The following IL10RA variants were observed in gnomAD, a reference collection of about 807,000 sequenced individuals.
The protein encoded by IL10RA is interleukin-10 receptor subunit alpha.
IL10RA carries 18 observed loss-of-function variants against 29.6 expected under a neutral mutation model. The ratio of observed to expected loss-of-function variants is 0.61; its 90% CI spans 0.42 to 0.90. The LOEUF (loss-of-function observed/expected upper bound fraction) is 0.90, where lower values mean the gene tolerates loss of function less well. Among genes scored for constraint, IL10RA ranks in the 40% least tolerant of loss-of-function variants. The pLI, the probability that IL10RA is intolerant of heterozygous loss-of-function variation, is 0.00. For synonymous variants in IL10RA, 292 were observed against 294.1 expected, an observed-to-expected ratio of 0.99 and a Z score of 0.07; for missense variants, 634 against 716.6, an observed-to-expected ratio of 0.88 and a Z score of 1.32.
rs754528614 is a variant in IL10RA at position 117,989,108 on chromosome 11, A to G, written c.189-334A>G. On this transcript the variant is annotated intron_variant, in intron 2 of 6. Transcript: ENST00000227752. This position sits in a 1 kb window ranked among gnomAD's most constrained non-coding sequence, Gnocchi z 4.5. ...GGAAAAGGAGAAGCATCCACAGTAC[A>G]GCCAGACAACAGGGGAACACTAATG... 6.6e-6 allele frequency among the ~76,000 whole-genome samples: 1 copy of G among 152,238 alleles called. No individual in the cohort carries two copies. Among genetic ancestry groups the G allele is most frequent in the Non-Finnish European group, 1.5e-5 (1 of 68,032 alleles).
intron 3 of IL10RA, 68 bp from the exon 4 acceptor site, chr11:117,993,173 C>T (rs4252307): frequency 8.4e-6 from 12 of 1,426,790 alleles, no homozygotes; most frequent in East Asian, 6.8e-5. Flanking sequence ...AAAGTCTCGG[C>T]GGGGACACCC....
Position 117,998,949 on chromosome 11 carries a change from G to C in IL10RA, c.1045G>C (p.Gly349Arg), listed in dbSNP as rs1259250889. The change falls in exon 7 of 7, where the codon GGA becomes CGA. Residue 349 changes from glycine (G) to arginine (R), a missense_variant. Gly to Arg is a moderately radical substitution (Grantham distance 125). Coordinates refer to ENST00000227752, the MANE Select transcript of IL10RA (RefSeq NM_001558.4). ...DPHPQADRTL[G>R]NREPPVLGDS... ...TCACCCCCAGGCTGACAGAACGCTGGGAAACAGGGAGCCCCCTGTGCTGGG... is the reference window on the plus strand; with the variant it reads ...TCACCCCCAGGCTGACAGAACGCTGCGAAACAGGGAGCCCCCTGTGCTGGG... 16 of 1,613,476 alleles carry C rather than the reference G, an allele frequency of 9.9e-6. No individual in the cohort carries two copies. Among genetic ancestry groups the C allele is most frequent in the African/African-American group, 1.3e-5 (1 of 75,058 alleles).
In IL10RA at chr11:118,000,781, T is replaced by C; in HGVS notation, c.*1140T>C. The C allele has an allele frequency of 4.4e-6, 2 of 454,278 alleles. No homozygotes were observed. The highest frequency in any genetic ancestry group is 8.8e-6 in the Non-Finnish European group (2 of 226,776). 28.1% of individuals were successfully genotyped at this position (454,278 alleles called of 1,614,324 possible). A position where few individuals can be genotyped will look rare whatever the true frequency, so the allele number is the denominator to read the frequency against. ...CAAGCTGGTCCTGGGAGAATGCAGA[T>C]ACTGTCCGTGGACTACCAAGCTGGC... On this transcript the variant is annotated 3_prime_UTR_variant, in exon 7 of 7. Transcript: ENST00000227752.
chr11:117,998,671 G>A (rs2058071306), intron 6 of IL10RA, 44 bp from the exon 7 acceptor site: 3 of 1,580,476 alleles, frequency 1.9e-6, no homozygotes, highest in Non-Finnish European at 2.6e-6. Flanking sequence ...GATGGGTGCT[G>A]GAAGGTGACT....
Position 118,000,312 on chromosome 11 carries a change from C to T in IL10RA, c.*671C>T, listed in dbSNP as rs1377600335. The T allele has an allele frequency of 2.2e-6, 1 of 454,082 alleles. No homozygotes were observed. The highest frequency in any genetic ancestry group is 4.4e-6 in the Non-Finnish European group (1 of 226,790). 28.1% of individuals were successfully genotyped at this position (454,082 alleles called of 1,614,324 possible). A position where few individuals can be genotyped will look rare whatever the true frequency, so the allele number is the denominator to read the frequency against. On this transcript the variant is annotated 3_prime_UTR_variant, in exon 7 of 7. Coordinates refer to ENST00000227752, the MANE Select transcript of IL10RA (RefSeq NM_001558.4). ...CTGGATGGGGCTTCCAGCTCAGAAC[C>T]CATCCCTCTGGTGGGTACCTCTGGC... is the stretch of plus-strand genomic sequence containing the variant.
At chr11:117,996,872 C>T (rs553947422) in intron 6 of IL10RA, among the ~76,000 whole-genome samples, 94 of 152,316 alleles carry the variant, frequency 6.2e-4, no homozygotes, top group African/African-American at 2.1e-3. Context: ...CATGAGCCAC[C>T]GCACCCTGCC....
At chr11:117,987,515 G>C (rs555224580) in intron 1 of IL10RA, 6 of 154,136 alleles carry the variant, frequency 3.9e-5, no homozygotes, top group African/African-American at 1.4e-4. Flanking sequence ...AGAGAACTTA[G>C]AGGATCAAGG....
At chr11:118,001,751 A>ATTTTTT (rs2058097105), downstream of IL10RA, 4 of 237,826 alleles carry the variant, frequency 1.7e-5, no homozygotes, top group African/African-American at 9.0e-5. Flanking sequence ...TGAGGTGTAA[A>ATTTTTT]TGAAATTGCA....
At chr11:117,996,159 C>T (rs146420093) in intron 6 of IL10RA, among the ~76,000 whole-genome samples, 13 of 152,272 alleles carry the variant, frequency 8.5e-5, no homozygotes, top group African/African-American at 3.1e-4. Context: ...TGCTATTAGC[C>T]ATGGGTGTTC....
chr11:117,988,604 G>A (rs937410891), intron 2 of IL10RA, 102 bp downstream of exon 2: 3 of 1,365,626 alleles, frequency 2.2e-6, no homozygotes, highest in Admixed American at 3.6e-5. Flanking sequence ...TGAAGTGAGT[G>A]CCTGAGGGCC....
At chr11:117,986,765 CA>C in intron 1 of IL10RA, 1 of 1,530,752 alleles carries the variant, frequency 6.5e-7, no homozygotes, top group South Asian at 1.2e-5. Flanking sequence ...TGCGCAAGGC[CA>C]AACCCCCAAC....
chr11:117,995,682 G>A lies in IL10RA; in HGVS notation c.782G>A (p.Arg261Gln), dbSNP rs553864757. The change falls in exon 6 of 7, where the codon CGG becomes CAG. Residue 261 changes from arginine to glutamine, a missense_variant. Arg to Gln is a conservative substitution (Grantham distance 43). Coordinates refer to ENST00000227752, the MANE Select transcript of IL10RA (RefSeq NM_001558.4). ...TGCCTGGCCCTCCAGCTGTATGTGC[G>A]GCGCCGAAAGAAGCTACCCAGTGTC... ...AYCLALQLYV[R>Q]RRKKLPSVLL... The A allele has an allele frequency of 1.4e-5, 23 of 1,613,908 alleles. No individual in the cohort carries two copies. The highest frequency in any genetic ancestry group is 1.6e-4 in the Middle Eastern group (1 of 6,062).
Position 118,000,552 on chromosome 11 carries a change from G to A in IL10RA, c.*911G>A. On this transcript the variant is annotated 3_prime_UTR_variant, in exon 7 of 7. Coordinates refer to ENST00000227752, the MANE Select transcript of IL10RA (RefSeq NM_001558.4). Reference sequence around the variant, plus strand: ...CTCATGCCAGCCCCAGAGGGTCAGGGTTGGAGGCCTGTGCTTGTGTTTGCT... The same window carrying A: ...CTCATGCCAGCCCCAGAGGGTCAGGATTGGAGGCCTGTGCTTGTGTTTGCT... 1 of 454,314 alleles carries A rather than the reference G, an allele frequency of 2.2e-6. No individual in the cohort carries two copies. Among genetic ancestry groups the A allele is most frequent in the East Asian group, 6.9e-5 (1 of 14,534 alleles). The allele number at this position is 454,314 out of a possible 1,614,324, so 28.1% of individuals were successfully genotyped here.
At chr11:118,002,541 G>A (rs945269538), downstream of IL10RA, 2 of 152,210 alleles carry the variant, frequency 1.3e-5, no homozygotes, top group Admixed American at 6.5e-5. Context: ...AGGCCCCTAA[G>A]GTCTAAATAT....
chr11:117,986,564 C>A (rs753700151), intron 1 of IL10RA, 30 bp downstream of exon 1: 3 of 1,550,132 alleles, frequency 1.9e-6, no homozygotes, highest in South Asian at 2.4e-5. Context: ...CCCTTCCCTG[C>A]CCTGCCCTCT....
intron 3 of IL10RA, among the ~76,000 whole-genome samples, chr11:117,992,553 G>A (rs2058030282): frequency 6.6e-6 from 1 of 152,106 alleles, no homozygotes; most frequent in Admixed American, 6.5e-5. Context: ...TTGTTTTCTT[G>A]TTATTAAGTA....
At chr11:118,001,547 TGAG>T, downstream of IL10RA, 1 of 372,604 alleles carries the variant, frequency 2.7e-6, no homozygotes, top group Non-Finnish European at 5.2e-6. Context: ...TTGTTGATAA[TGAG>T]GAGGGTAATA....
At position 117,989,839 on chromosome 11, in the gene IL10RA, C is replaced by T. The variant is rs944109084; in HGVS notation, c.367+219C>T. The T allele has an allele frequency of 1.3e-5, 8 of 614,064 alleles. No homozygotes were observed. The highest frequency in any genetic ancestry group is 2.3e-5 in the Non-Finnish European group (8 of 344,216). 38.0% of individuals were successfully genotyped at this position (614,064 alleles called of 1,614,324 possible). On this transcript the variant is annotated intron_variant, in intron 3 of 6. Coordinates refer to ENST00000227752, the MANE Select transcript of IL10RA (RefSeq NM_001558.4). This position sits in a 1 kb window ranked among gnomAD's most constrained non-coding sequence, Gnocchi z 4.5. Reference sequence around the variant, plus strand: ...AAGGGAACTGGAGTTGTTTATCCTACAGAAGAGAGGTCTTGGGGTGGGTTG... The same window carrying T: ...AAGGGAACTGGAGTTGTTTATCCTATAGAAGAGAGGTCTTGGGGTGGGTTG...
rs1205617954 is a variant in IL10RA, at chr11:118,001,404, A to G, written c.*1763A>G. The stretch of plus-strand genomic sequence containing the variant: ...GTGAGGTTCTGCTGAGGAAATGGGT[A>G]TGAATGTGCCTTGAACACAAAGCTC... On this transcript the variant is annotated 3_prime_UTR_variant, in exon 7 of 7. Coordinates refer to ENST00000227752, the MANE Select transcript of IL10RA (RefSeq NM_001558.4). The G allele has an allele frequency of 6.6e-6, 3 of 452,816 alleles. No individual in the cohort carries two copies. Among genetic ancestry groups the G allele is most frequent in the Admixed American group, 2.4e-5 (1 of 42,488 alleles). The allele number at this position is 452,816 out of a possible 1,614,324, so 28.0% of individuals were successfully genotyped here. A position where few individuals can be genotyped will look rare whatever the true frequency, so the allele number is the denominator to read the frequency against.
Sources: gnomAD v4.1 joint callset for allele counts (sites outside exome capture counted in the v4.1 genomes callset) on GRCh38, gnomAD v4.1.1 for gene constraint, Gnocchi (gnomAD v3.1) non-coding constraint, MANE v1.5 for transcripts, NCBI Gene and HGNC (gene_info 2026-07-23, HGNC 2026-07-21) for gene names.